CC2D2A: variants seen among roughly 807,000 people sequenced by gnomAD.
CC2D2A encodes coiled-coil and C2 domain-containing protein 2A.
A neutral mutation model predicts 212.9 loss-of-function variants in CC2D2A; 155 were observed. The observed-to-expected ratio is 0.73, with a 90% CI of 0.64 to 0.83. The LOEUF (loss-of-function observed/expected upper bound fraction) is 0.83, where lower values mean the gene tolerates loss of function less well. Among genes scored for constraint, CC2D2A ranks in the 40% least tolerant of loss-of-function variants. The pLI is 0.00. For missense variants in CC2D2A, 1,856 were observed against 1,956.2 expected (o/e 0.95, Z 0.97); for synonymous variants, 667 against 686.5 (o/e 0.97, Z 0.44).
rs774945610 is a variant in CC2D2A at position 15,557,492 on chromosome 4, G to A, written c.2814G>A (p.Met938Ile). The change falls in exon 21 of 37, where the codon ATG (methionine) becomes ATA (isoleucine). Residue 938 changes from methionine (M) to isoleucine (I), a missense_variant. Met to Ile is a conservative substitution (Grantham distance 10). Around this residue, in one of 5 missense-constraint regions of CC2D2A, gnomAD observed 1,512 missense variants for 1,579.3 expected, o/e 0.96. Coordinates refer to ENST00000424120, the MANE Select transcript of CC2D2A (RefSeq NM_001378615.1). ...TTCCAGTCTATGACCGAGAAATTAT[G>A]GAAAAGGTATTCCAGGTAAGAAACT... Reference protein sequence around the residue: ...KQVPVYDREIMEKVFQDYEKR... With the variant: ...KQVPVYDREIIEKVFQDYEKR... 6.2e-7 allele frequency: 1 copy of A among 1,604,518 alleles called. No homozygotes were observed. Among genetic ancestry groups the A allele is most frequent in the African/African-American group, 1.3e-5 (1 of 74,826 alleles).
At position 15,560,526 on chromosome 4, in the gene CC2D2A, C is replaced by T. The variant is rs758867115; in HGVS notation, c.2923-5C>T. On this transcript the variant is annotated splice_region_variant and splice_polypyrimidine_tract_variant and intron_variant, in intron 22 of 36. Transcript: ENST00000424120. Reference sequence around the variant, plus strand: ...CATTTTAAATAAGCTGATTTCTTTCCCCAGGTTAGAGAATCAGTGATAAAT... The same window carrying T: ...CATTTTAAATAAGCTGATTTCTTTCTCCAGGTTAGAGAATCAGTGATAAAT... 34 of 1,414,462 alleles carry T rather than the reference C, an allele frequency of 2.4e-5. No homozygotes were observed. Among genetic ancestry groups the T allele is most frequent in the Non-Finnish European group, 3.4e-5 (34 of 1,014,054 alleles). 87.6% of individuals were successfully genotyped at this position (1,414,462 alleles called of 1,614,324 possible).
At chr4:15,597,275 A>G (rs1721358834) in intron 34 of CC2D2A, 132 bp from the exon 35 acceptor site, 7 of 703,426 alleles carry the variant, frequency 1.0e-5, no homozygotes, top group Non-Finnish European at 1.8e-5. Flanking sequence ...GGTCATGGGT[A>G]CATCAGCATG....
intron 4 of CC2D2A, among the ~76,000 whole-genome samples, chr4:15,488,058 T>G (rs1307138233): frequency 6.6e-6 from 1 of 152,190 alleles, no homozygotes; most frequent in Non-Finnish European, 1.5e-5. Context: ...AGGTTTTTCT[T>G]TTAGTCTTCA....
In CC2D2A at chr4:15,551,829, T is replaced by C. The variant is rs369241864; in HGVS notation, c.2338+849T>C. Among the ~76,000 whole-genome samples, 103 of 152,284 alleles carry C rather than the reference T, an allele frequency of 6.8e-4. 1 individual carries two copies. The South Asian group carries it at 0.021, about 31-fold the overall frequency. On this transcript the variant is annotated intron_variant, in intron 18 of 36. Coordinates refer to ENST00000424120, the MANE Select transcript of CC2D2A (RefSeq NM_001378615.1). ...TTATGGTGTCTTGCTTCCTCATGTG[T>C]CTGTTTTTTTATTGTGACTTATATC...
In CC2D2A at chr4:15,560,548, A is replaced by G; in HGVS notation, c.2940A>G (p.Ile980Met). 6.6e-7 allele frequency: 1 copy of G among 1,517,308 alleles called. No individual in the cohort carries two copies. The allele number at this position is 1,517,308 out of a possible 1,614,324, so 94.0% of individuals were successfully genotyped here. A position where few individuals can be genotyped will look rare whatever the true frequency, so the allele number is the denominator to read the frequency against. ...TTCCCCAGGTTAGAGAATCAGTGAT[A>G]AATCGTTTCTTAATTGCAAAACAAT... ...KYLQQVRESV[I>M]NRFLIAKQYF... The change falls in exon 23 of 37, where the codon ATA becomes ATG. Residue 980 changes from isoleucine to methionine, a missense_variant. Ile to Met is a conservative substitution (Grantham distance 10). This residue lies in a region of CC2D2A where 1,512 missense variants were observed against 1,579.3 expected (regional missense o/e 0.96). Transcript: ENST00000424120.
intron 11 of CC2D2A, among the ~76,000 whole-genome samples, chr4:15,526,848 C>T (rs1560166055): frequency 6.6e-6 from 1 of 152,150 alleles, no homozygotes; most frequent in Non-Finnish European, 1.5e-5. Context: ...CAAGACATTC[C>T]TATTGGAGAC....
chr4:15,563,593 A>G (rs1451215423), intron 24 of CC2D2A, 71 bp downstream of exon 24: 1 of 1,476,324 alleles, frequency 6.8e-7, no homozygotes, highest in Non-Finnish European at 9.3e-7. Flanking sequence ...CCTTTACAGC[A>G]TACTCACTCT....
chr4:15,502,984 G>A, intron 6 of CC2D2A, 61 bp downstream of exon 6: 1 of 1,365,232 alleles, frequency 7.3e-7, no homozygotes, highest in Non-Finnish European at 1.0e-6. Flanking sequence ...AAAGTTTCCA[G>A]CAAAAGTTTT....
At chr4:15,594,797 T>A (rs1560198705) in intron 33 of CC2D2A, among the ~76,000 whole-genome samples, 1 of 152,100 alleles carries the variant, frequency 6.6e-6, no homozygotes, top group Non-Finnish European at 1.5e-5. Context: ...TGTGTCTACT[T>A]GGTTTTTGTT....
chr4:15,580,282 A>T, intron 30 of CC2D2A, 111 bp downstream of exon 30: 1 of 777,984 alleles, frequency 1.3e-6, no homozygotes, highest in Non-Finnish European at 2.1e-6. Context: ...CTATATCGAG[A>T]TCATTAATGA....
intron 11 of CC2D2A, among the ~76,000 whole-genome samples, chr4:15,521,426 T>G (rs1180176262): frequency 2.6e-5 from 4 of 152,232 alleles, no homozygotes; most frequent in Non-Finnish European, 5.9e-5. Context: ...TTATTCAGTC[T>G]GTCTCTTGCC....
intron 6 of CC2D2A, among the ~76,000 whole-genome samples, chr4:15,506,464 A>T (rs1283633740): frequency 1.3e-5 from 2 of 152,198 alleles, no homozygotes; most frequent in Non-Finnish European, 2.9e-5. Context: ...TATTTTCTAG[A>T]TTACTAATGT....
chr4:15,505,228 A>G (rs918902193), intron 6 of CC2D2A, among the ~76,000 whole-genome samples: 38 of 152,192 alleles, frequency 2.5e-4, no homozygotes, highest in African/African-American at 8.9e-4. Flanking sequence ...ACCAACGCAA[A>G]CCACTGCTTA....
rs16892075 is a variant in CC2D2A, at chr4:15,510,032, G to A, written c.439-107G>A. ...GCCTTAGGAATGATAAGATGCAGCA[G>A]CAGTCAGAAGATAAGCCTTTGGGAT... On this transcript the variant is annotated intron_variant, in intron 6 of 36. Coordinates refer to ENST00000424120, the MANE Select transcript of CC2D2A (RefSeq NM_001378615.1). 8,852 of 783,994 alleles carry A rather than the reference G, an allele frequency of 0.011. 575 individuals are homozygous for A. In the African/African-American group the frequency reaches 0.14, roughly 12 times the overall value. The allele number at this position is 783,994 out of a possible 1,614,324, so 48.6% of individuals were successfully genotyped here. A position where few individuals can be genotyped will look rare whatever the true frequency, so the allele number is the denominator to read the frequency against.
At chr4:15,591,010 G>C (rs192282127) in intron 33 of CC2D2A, among the ~76,000 whole-genome samples, 1 of 152,076 alleles carries the variant, frequency 6.6e-6, no homozygotes, top group African/African-American at 2.4e-5. Context: ...TTACAGGCGC[G>C]AGCCACCACA....
Position 15,533,282 on chromosome 4 carries a change from T to C in CC2D2A, c.1556T>C (p.Leu519Pro). Residue 519 changes from leucine (L) to proline (P), a missense_variant, in exon 14 of 37, where the codon CTT becomes CCT. By Grantham distance (98) the Leu-to-Pro change is moderately conservative (BLOSUM62 -3). Around this residue, in one of 5 missense-constraint regions of CC2D2A, gnomAD observed 1,512 missense variants for 1,579.3 expected, o/e 0.96. Coordinates refer to ENST00000424120, the MANE Select transcript of CC2D2A (RefSeq NM_001378615.1). The stretch of plus-strand genomic sequence containing the variant: ...AAAGTTTGGAAAGAGATGAAATCCC[T>C]TCGAGAGTTCCAGAGATTTACAAAT... ...IIKVWKEMKS[L>P]REFQRFTNTP... The C allele has an allele frequency of 6.3e-7, 1 of 1,596,844 alleles. No homozygotes were observed. The highest frequency in any genetic ancestry group is 8.5e-7 in the Non-Finnish European group (1 of 1,172,814).
intron 11 of CC2D2A, 33 bp from the exon 12 acceptor site, chr4:15,527,414 T>C: frequency 2.6e-6 from 4 of 1,529,696 alleles, no homozygotes; most frequent in Non-Finnish European, 2.7e-6. Context: ...GTGCTTTAAC[T>C]GTGTTCTGTC....
At chr4:15,531,400 C>T (rs1184563543) in intron 13 of CC2D2A, among the ~76,000 whole-genome samples, 1 of 152,240 alleles carries the variant, frequency 6.6e-6, no homozygotes, top group African/African-American at 2.4e-5. Context: ...CTTTGACCAT[C>T]ATTCTCCTCT....
At chr4:15,476,660 G>C (rs1217180548) in intron 2 of CC2D2A, among the ~76,000 whole-genome samples, 1 of 152,182 alleles carries the variant, frequency 6.6e-6, no homozygotes, top group African/African-American at 2.4e-5. Context: ...CTATTATTGA[G>C]CATAGCTCTG....
Sources: allele counts gnomAD v4.1 joint callset (sites outside exome capture counted in the v4.1 genomes callset), GRCh38; gene constraint gnomAD v4.1.1; regional missense constraint gnomAD v4.1.1; transcripts MANE v1.5; gene names NCBI Gene and HGNC (gene_info 2026-07-23, HGNC 2026-07-21).